Variants in OPCML observed in about 807,000 individuals in gnomAD.
OPCML encodes the protein opioid binding protein/cell adhesion molecule like, also known as opioid-binding protein/cell adhesion molecule.
Under a neutral mutation model 37.8 loss-of-function variants are expected in OPCML, and 13 were observed. That is an observed-to-expected ratio of 0.34 (90% confidence interval 0.22 to 0.55). The LOEUF is 0.55. Ranked by LOEUF, OPCML falls within the 20% of genes least tolerant of loss-of-function variation. The pLI is 0.91. For missense variants in OPCML, 341 were observed against 435.6 expected (o/e 0.78, Z 1.93); for synonymous variants, 176 against 168.8 (o/e 1.04, Z -0.33).
chr11:132,787,086 A>T, intron 2 of OPCML, among the ~76,000 whole-genome samples: 1 of 152,182 alleles, frequency 6.6e-6, no homozygotes. Context: ...TGCGTTTCCA[A>T]CAAGTTTTCA....
At chr11:132,754,665 G>T (rs1945973633) in intron 2 of OPCML, among the ~76,000 whole-genome samples, 1 of 152,150 alleles carries the variant, frequency 6.6e-6, no homozygotes, top group Admixed American at 6.5e-5. Flanking sequence ...AGGATAAGGG[G>T]TGATAGGGGG....
At chr11:133,019,908 G>A (rs1008402001) in intron 1 of OPCML, among the ~76,000 whole-genome samples, 3 of 152,174 alleles carry the variant, frequency 2.0e-5, no homozygotes, top group South Asian at 2.1e-4. Context: ...TCAACCACAC[G>A]CACACAGGCA....
At chr11:133,531,153 TA>T (rs1196931075) in intron 1 of OPCML, among the ~76,000 whole-genome samples, 1 of 152,208 alleles carries the variant, frequency 6.6e-6, no homozygotes, top group Non-Finnish European at 1.5e-5. Context: ...TGCTGCTGCC[TA>T]AAACCTTGGC....
chr11:133,306,512 G>C (rs1333167247), intron 1 of OPCML, among the ~76,000 whole-genome samples: 1 of 152,110 alleles, frequency 6.6e-6, no homozygotes, highest in Non-Finnish European at 1.5e-5. Context: ...TATGAGTTTT[G>C]AACATATGGG....
chr11:133,293,753 G>A (rs924427664), intron 1 of OPCML, among the ~76,000 whole-genome samples: 1 of 152,094 alleles, frequency 6.6e-6, no homozygotes, highest in Non-Finnish European at 1.5e-5. Context: ...GGTCTGATCT[G>A]GAAGAGAAAC....
At chr11:133,166,568 A>T (rs1446603280) in intron 1 of OPCML, among the ~76,000 whole-genome samples, 1 of 152,122 alleles carries the variant, frequency 6.6e-6, no homozygotes, top group Admixed American at 6.5e-5. Context: ...TTCTGCTGGG[A>T]GTAGAGATGG....
At chr11:132,588,114 C>T (rs967807918) in intron 3 of OPCML, among the ~76,000 whole-genome samples, 2 of 152,034 alleles carry the variant, frequency 1.3e-5, no homozygotes, top group African/African-American at 4.8e-5. Flanking sequence ...ACATTGATAG[C>T]GACAATTGAT....
intron 1 of OPCML, chr11:133,007,608 G>A (rs1947136825): frequency 1.0e-6 from 1 of 985,386 alleles, no homozygotes; most frequent in Non-Finnish European, 1.2e-6. Flanking sequence ...GTAGAAGCTG[G>A]GATGCACATG....
At chr11:133,483,363 C>T (rs886178591) in intron 1 of OPCML, among the ~76,000 whole-genome samples, 104 of 101,440 alleles carry the variant, frequency 1.0e-3, no homozygotes, top group Admixed American at 7.2e-3. Flanking sequence ...AGATAGATAG[C>T]TAATAGATAG....
chr11:133,195,116 A>T (rs1207617304), intron 1 of OPCML, among the ~76,000 whole-genome samples: 5 of 152,202 alleles, frequency 3.3e-5, no homozygotes, highest in African/African-American at 4.8e-5. Flanking sequence ...TTTTGCATGT[A>T]GTAGGTGCTT....
At chr11:132,995,931 A>G (rs1020054836) in intron 1 of OPCML, among the ~76,000 whole-genome samples, 1 of 152,168 alleles carries the variant, frequency 6.6e-6, no homozygotes, top group Admixed American at 6.5e-5. Flanking sequence ...GAATCAACCA[A>G]AATAAGATGA....
intron 1 of OPCML, among the ~76,000 whole-genome samples, chr11:133,175,123 C>T (rs1241518896): frequency 6.6e-6 from 1 of 152,192 alleles, no homozygotes; most frequent in African/African-American, 2.4e-5. Context: ...CAAACTCAGT[C>T]ACATAATAAA....
At chr11:133,042,046 G>T (rs577979354) in intron 1 of OPCML, among the ~76,000 whole-genome samples, 3 of 152,280 alleles carry the variant, frequency 2.0e-5, no homozygotes, top group East Asian at 3.9e-4. Flanking sequence ...GAGCTGGGGG[G>T]TGGGGGGAGC....
chr11:132,512,698 T>G (rs926900553), intron 4 of OPCML, among the ~76,000 whole-genome samples: 2 of 151,890 alleles, frequency 1.3e-5, no homozygotes, highest in Non-Finnish European at 2.9e-5. Context: ...ATTTGTGTCA[T>G]GTAGATTATA....
intron 1 of OPCML, among the ~76,000 whole-genome samples, chr11:133,097,998 C>T (rs1207420421): frequency 6.6e-6 from 1 of 152,088 alleles, no homozygotes; most frequent in African/African-American, 2.4e-5. Flanking sequence ...GAGGAAATAA[C>T]TCTTAATACT....
At chr11:133,411,391 C>G (rs977233162) in intron 1 of OPCML, among the ~76,000 whole-genome samples, 1 of 152,184 alleles carries the variant, frequency 6.6e-6, no homozygotes, top group Non-Finnish European at 1.5e-5. Flanking sequence ...AGCATGCCAG[C>G]GTGGCTCTGA....
intron 1 of OPCML, among the ~76,000 whole-genome samples, chr11:133,421,961 C>T (rs1945895922): frequency 6.6e-6 from 1 of 152,060 alleles, no homozygotes; most frequent in Admixed American, 6.5e-5. Flanking sequence ...TAACACAGCT[C>T]TTTCTTTTCT....
rs531213970 is a variant in OPCML, at chr11:132,919,392, A to G, written c.146+23534T>C. Among the ~76,000 whole-genome samples, 8 of 152,334 alleles carry G rather than the reference A, an allele frequency of 5.3e-5. No homozygotes were observed. The East Asian group carries it at 1.5e-3, about 29-fold the overall frequency. ...TGGAAGCTCTGGGTTGAGGCCCGGC[A>G]GGGTCCAGATGACCCTGACCCAGGC... On this transcript the variant is annotated intron_variant, in intron 2 of 7. Coordinates refer to ENST00000524381, the MANE Select transcript of OPCML (RefSeq NM_001012393.5).
chr11:133,437,999 T>C (rs1182965261), intron 1 of OPCML, among the ~76,000 whole-genome samples: 1 of 151,836 alleles, frequency 6.6e-6, no homozygotes, highest in Non-Finnish European at 1.5e-5. Flanking sequence ...GAAAATCCCA[T>C]AAAATAAAAA....
Sources: gnomAD v4.1 joint callset for allele counts (sites outside exome capture counted in the v4.1 genomes callset) on GRCh38, gnomAD v4.1.1 for gene constraint, MANE v1.5 for transcripts, NCBI Gene and HGNC (gene_info 2026-07-23, HGNC 2026-07-21) for gene names.